Variants in PAM observed in about 807,000 individuals in gnomAD.
The protein encoded by PAM is peptidylglycine alpha-amidating monooxygenase.
PAM carries 72 observed loss-of-function variants against 122.1 expected under a neutral mutation model. The observed-to-expected ratio is 0.59, with a 90% CI of 0.49 to 0.72. The LOEUF (loss-of-function observed/expected upper bound fraction) is 0.72. PAM is among the 30% of genes least tolerant of loss of function. The pLI is 0.00. For synonymous variants in PAM, 389 were observed against 404.4 expected, an observed-to-expected ratio of 0.96 and a Z score of 0.46; for missense variants, 1,106 against 1,183.7, an observed-to-expected ratio of 0.93 and a Z score of 0.96.
chr5:102,830,327 T>G (rs1422633704), intron 1 of PAM, among the ~76,000 whole-genome samples: 3 of 152,222 alleles, frequency 2.0e-5, no homozygotes, highest in Non-Finnish European at 4.4e-5. Context: ...TGGTTAGACT[T>G]TTCTACAAAA....
chr5:102,828,375 C>T (rs150316734), intron 1 of PAM, among the ~76,000 whole-genome samples: 275 of 151,962 alleles, frequency 1.8e-3, no homozygotes, highest in African/African-American at 6.4e-3. Flanking sequence ...TATTCATATC[C>T]TATTCTTCTT....
intron 12 of PAM, among the ~76,000 whole-genome samples, chr5:102,954,236 A>G (rs977584231): frequency 2.0e-5 from 3 of 151,948 alleles, no homozygotes; most frequent in African/African-American, 7.2e-5. Context: ...CTGTGATTTT[A>G]GTGCACCTGT....
chr5:102,827,318 CA>C (rs200835831), intron 1 of PAM, among the ~76,000 whole-genome samples: 19 of 150,532 alleles, frequency 1.3e-4, no homozygotes, highest in Admixed American at 8.6e-4. Context: ...TTCCAAAATC[CA>C]AAAAAAAATC....
intron 21 of PAM, among the ~76,000 whole-genome samples, chr5:103,013,246 A>C (rs922708806): frequency 1.3e-5 from 2 of 152,020 alleles, no homozygotes; most frequent in African/African-American, 4.8e-5. Context: ...AGTTTTTTTC[A>C]TCAGCATTTT....
At chr5:102,862,710 CTAAGGGTAT>C (rs1287214626) in intron 1 of PAM, among the ~76,000 whole-genome samples, 2 of 152,152 alleles carry the variant, frequency 1.3e-5, no homozygotes, top group Non-Finnish European at 2.9e-5. Flanking sequence ...TAGCACTGTT[CTAAGGGTAT>C]TAATTTAGTT....
At chr5:102,888,661 T>C (rs1793881848) in intron 3 of PAM, among the ~76,000 whole-genome samples, 1 of 151,884 alleles carries the variant, frequency 6.6e-6, no homozygotes, top group East Asian at 2.0e-4. Flanking sequence ...CAGGCTGTAT[T>C]TTCAGGTCCC....
intron 1 of PAM, among the ~76,000 whole-genome samples, chr5:102,860,545 G>C (rs115293091): frequency 1.3e-5 from 2 of 152,116 alleles, no homozygotes; most frequent in African/African-American, 4.8e-5. Flanking sequence ...AATTAGCCAG[G>C]TGTAGTGGTG....
intron 1 of PAM, among the ~76,000 whole-genome samples, chr5:102,784,365 C>T (rs903621792): frequency 2.6e-5 from 4 of 152,144 alleles, no homozygotes; most frequent in African/African-American, 9.7e-5. Flanking sequence ...TCAGTTTCCC[C>T]CCTTGCACCC....
At chr5:102,803,363 C>T (rs533750194) in intron 1 of PAM, among the ~76,000 whole-genome samples, 5 of 152,128 alleles carry the variant, frequency 3.3e-5, no homozygotes, top group East Asian at 1.9e-4. Context: ...TCTTCCATCC[C>T]TCGTAAGTTG....
intron 7 of PAM, among the ~76,000 whole-genome samples, chr5:102,932,540 TATATG>T (rs1242026886): frequency 4.0e-5 from 6 of 148,374 alleles, no homozygotes; most frequent in Non-Finnish European, 5.9e-5. Flanking sequence ...CATACACACA[TATATG>T]TATGTATGTG....
chr5:102,977,688 ACACACACAC>A (rs1180849875), intron 15 of PAM, among the ~76,000 whole-genome samples: 2 of 151,176 alleles, frequency 1.3e-5, no homozygotes, highest in African/African-American at 2.4e-5. Flanking sequence ...ACACACACAC[ACACACACAC>A]ACAAAATACA....
At chr5:102,834,079 G>T (rs1776220686) in intron 1 of PAM, among the ~76,000 whole-genome samples, 1 of 151,934 alleles carries the variant, frequency 6.6e-6, no homozygotes, top group African/African-American at 2.4e-5. Flanking sequence ...TTGATATTTG[G>T]TCACATAAAA....
intron 1 of PAM, among the ~76,000 whole-genome samples, chr5:102,829,379 T>TG (rs1306252600): frequency 2.7e-5 from 4 of 147,872 alleles, no homozygotes; most frequent in Non-Finnish European, 6.0e-5. Context: ...TTTTTTTTTT[T>TG]TTTTTTTTTT....
intron 1 of PAM, among the ~76,000 whole-genome samples, chr5:102,854,166 G>A (rs1782030469): frequency 6.6e-6 from 1 of 152,122 alleles, no homozygotes; most frequent in Non-Finnish European, 1.5e-5. Context: ...CTTATAGGAT[G>A]TCATGAGCAT....
intron 1 of PAM, among the ~76,000 whole-genome samples, chr5:102,788,830 G>C (rs894054899): frequency 6.6e-6 from 1 of 152,110 alleles, no homozygotes; most frequent in Admixed American, 6.5e-5. Flanking sequence ...ACAAAGTTGT[G>C]AGTGTTGTGG....
intron 1 of PAM, among the ~76,000 whole-genome samples, chr5:102,811,290 G>A (rs1021503943): frequency 3.9e-5 from 6 of 152,200 alleles, no homozygotes; most frequent in African/African-American, 1.4e-4. Context: ...GGTGTCAGAA[G>A]GGCTACATCT....
intron 15 of PAM, among the ~76,000 whole-genome samples, chr5:102,982,956 C>T (rs997585246): frequency 6.6e-6 from 1 of 151,682 alleles, no homozygotes; most frequent in Non-Finnish European, 1.5e-5. Context: ...CACAGATAAA[C>T]AATACAAATA....
chr5:102,894,463 T>C lies in PAM; in HGVS notation c.211-6893T>C, dbSNP rs543592301. 8.2e-4 allele frequency among the ~76,000 whole-genome samples: 124 copies of C among 151,826 alleles called. 1 individual carries two copies. Among genetic ancestry groups the C allele is most frequent in the African/African-American group, 2.8e-3 (115 of 41,486 alleles). ...TTTTCTCTGAACTCCTTGGCCGCTGTTACTTGGCCAGCCAGTTCACAGCTC... is the reference window on the plus strand; with the variant it reads ...TTTTCTCTGAACTCCTTGGCCGCTGCTACTTGGCCAGCCAGTTCACAGCTC... On this transcript the variant is annotated intron_variant, in intron 3 of 25. Coordinates refer to ENST00000438793, the MANE Select transcript of PAM (RefSeq NM_001177306.2).
chr5:102,972,682 T>G (rs1003114291), intron 14 of PAM, among the ~76,000 whole-genome samples: 7 of 152,232 alleles, frequency 4.6e-5, no homozygotes, highest in Non-Finnish European at 7.3e-5. Context: ...CTATTTATAT[T>G]TAATGTGTGG....
Sources: gnomAD v4.1 joint callset for allele counts (sites outside exome capture counted in the v4.1 genomes callset) on GRCh38, gnomAD v4.1.1 for gene constraint, MANE v1.5 for transcripts, NCBI Gene and HGNC (gene_info 2026-07-23, HGNC 2026-07-21) for gene names.